The following EPYC variants were observed in gnomAD, a reference collection of about 807,000 sequenced individuals.
EPYC encodes epiphycan.
EPYC carries 28 observed loss-of-function variants against 30.1 expected under a neutral mutation model. The ratio of observed to expected loss-of-function variants is 0.93; its 90% CI spans 0.69 to 1.28. The LOEUF (loss-of-function observed/expected upper bound fraction) is 1.28. EPYC is among the 50% of genes most tolerant of loss of function. The pLI is 0.00. For missense variants in EPYC, 382 were observed against 383.5 expected, an observed-to-expected ratio of 1.00 and a Z score of 0.03; for synonymous variants, 144 against 141.4, an observed-to-expected ratio of 1.02 and a Z score of -0.13.
chr12:90,991,784 A>G (rs1565875155), intron 2 of EPYC, among the ~76,000 whole-genome samples: 3 of 152,198 alleles, frequency 2.0e-5, no homozygotes. Context: ...CTGGGATTTT[A>G]AAAAGCTCTA....
intron 2 of EPYC, among the ~76,000 whole-genome samples, chr12:90,990,133 T>C (rs887197644): frequency 2.0e-5 from 3 of 152,022 alleles, no homozygotes; most frequent in African/African-American, 7.2e-5. Context: ...ACGAAGATAT[T>C]TGGAACCTTC....
At chr12:91,002,146 C>T (rs982673905) in intron 2 of EPYC, among the ~76,000 whole-genome samples, 9 of 125,590 alleles carry the variant, frequency 7.2e-5, no homozygotes, top group Admixed American at 9.9e-5. Flanking sequence ...GCCAAGACTG[C>T]GACACTGCAT....
chr12:90,972,939 C>T lies in EPYC; in HGVS notation c.382G>A (p.Val128Met), dbSNP rs777983818. Residue 128 changes from valine (V) to methionine (M), a missense_variant, in exon 4 of 7, where the codon GTG becomes ATG. Physicochemically the swap from Val to Met is conservative, Grantham distance 21. Transcript: ENST00000261172. Reference sequence around the variant, plus strand: ...TCAAGTTCATGGTCATCACAGTACACGGTGGTACTTATACAAGTACACAAA... The same window carrying T: ...TCAAGTTCATGGTCATCACAGTACATGGTGGTACTTATACAAGTACACAAA... ...CLLCTCISTT[V>M]YCDDHELDAI... The T allele has an allele frequency of 1.3e-5, 21 of 1,610,112 alleles. No individual in the cohort carries two copies. Among genetic ancestry groups the T allele is most frequent in the East Asian group, 8.9e-5 (4 of 44,788 alleles).
intron 2 of EPYC, among the ~76,000 whole-genome samples, chr12:90,985,079 G>T (rs148038665): frequency 2.0e-5 from 3 of 152,080 alleles, no homozygotes; most frequent in African/African-American, 7.2e-5. Context: ...AGAGTTTGGA[G>T]ATACCTGGAA....
At chr12:90,995,322 A>G (rs1489994111) in intron 2 of EPYC, among the ~76,000 whole-genome samples, 1 of 152,098 alleles carries the variant, frequency 6.6e-6, no homozygotes, top group Non-Finnish European at 1.5e-5. Context: ...GCTAACAGAG[A>G]TGTTTGAATA....
chr12:90,993,821 G>T (rs1200907638), intron 2 of EPYC, among the ~76,000 whole-genome samples: 1 of 151,718 alleles, frequency 6.6e-6, no homozygotes, highest in East Asian at 1.9e-4. Context: ...ATGTTAATTT[G>T]TGTGCATATT....
intron 2 of EPYC, among the ~76,000 whole-genome samples, chr12:90,998,988 G>T: frequency 6.6e-6 from 1 of 151,956 alleles, no homozygotes; most frequent in African/African-American, 2.4e-5. Flanking sequence ...TACCAAATTG[G>T]TCCTTCTATC....
intron 2 of EPYC, among the ~76,000 whole-genome samples, chr12:91,000,543 T>C (rs1877798854): frequency 6.6e-6 from 1 of 152,034 alleles, no homozygotes. Flanking sequence ...GCAGATATAG[T>C]CATTTTTTTC....
intron 3 of EPYC, among the ~76,000 whole-genome samples, chr12:90,974,549 T>A (rs1877138083): frequency 6.6e-6 from 1 of 151,716 alleles, no homozygotes; most frequent in Non-Finnish European, 1.5e-5. Context: ...CCAGAGGAGG[T>A]GAATTTGAAT....
At chr12:91,000,146 T>C (rs768880501) in intron 2 of EPYC, among the ~76,000 whole-genome samples, 4 of 152,102 alleles carry the variant, frequency 2.6e-5, no homozygotes, top group Non-Finnish European at 5.9e-5. Context: ...GGATAACTAA[T>C]ATATTTCAGT....
intron 2 of EPYC, among the ~76,000 whole-genome samples, chr12:91,002,096 A>G (rs2120877492): frequency 6.7e-6 from 1 of 148,784 alleles, no homozygotes. Context: ...AGGCTGAGGC[A>G]GGAGAATTGC....
intron 6 of EPYC, among the ~76,000 whole-genome samples, chr12:90,969,415 G>A (rs1876978316): frequency 6.6e-6 from 1 of 151,544 alleles, no homozygotes; most frequent in East Asian, 1.9e-4. Context: ...AATCACATAG[G>A]TGAAAATAAA....
At chr12:90,979,468 G>C (rs148848356) in intron 2 of EPYC, among the ~76,000 whole-genome samples, 2 of 152,058 alleles carry the variant, frequency 1.3e-5, no homozygotes, top group East Asian at 3.9e-4. Context: ...TTTCAGACCA[G>C]GTATTTTCTA....
In EPYC at chr12:91,002,540, A is replaced by T; in HGVS notation, c.26T>A (p.Leu9Gln). 2 of 1,612,538 alleles carry T rather than the reference A, an allele frequency of 1.2e-6. No individual in the cohort carries two copies. Among genetic ancestry groups the T allele is most frequent in the Non-Finnish European group, 1.7e-6 (2 of 1,179,354 alleles). The change falls in exon 2 of 7, where the codon CTG becomes CAG. Residue 9 changes from leucine to glutamine, a missense_variant. By Grantham distance (113) the Leu-to-Gln change is moderately radical. Coordinates refer to ENST00000261172, the MANE Select transcript of EPYC (RefSeq NM_004950.5). ...AGCAGCATCAAAGATGACAAGTCCC[A>T]GAACAAGTCCTGCTAATGTCTTCAT... is the stretch of plus-strand genomic sequence containing the variant. MKTLAGLV[L>Q]GLVIFDAAVT... is the part of the protein sequence containing the mutation.
intron 5 of EPYC, 65 bp downstream of exon 5, chr12:90,971,735 A>C: frequency 1.5e-6 from 1 of 679,320 alleles, no homozygotes; most frequent in African/African-American, 1.9e-5. Context: ...ACGAATAAAA[A>C]AGGTAGTCAA....
intron 2 of EPYC, among the ~76,000 whole-genome samples, chr12:90,985,307 A>T (rs1877423908): frequency 6.6e-6 from 1 of 152,120 alleles, no homozygotes; most frequent in Non-Finnish European, 1.5e-5. Flanking sequence ...TGACTATGGG[A>T]GGCCTTAAGA....
Position 90,964,195 on chromosome 12 carries a change from G to A in EPYC, c.930C>T (p.Tyr310=), listed in dbSNP as rs1286888465. 1 of 1,613,254 alleles carries A rather than the reference G, an allele frequency of 6.2e-7. No homozygotes were observed. Among genetic ancestry groups the A allele is most frequent in the Admixed American group, 1.7e-5 (1 of 60,024 alleles). Residue 310 remains tyrosine (Y), a synonymous_variant, in exon 7 of 7, where the codon TAC becomes TAT. Coordinates refer to ENST00000261172, the MANE Select transcript of EPYC (RefSeq NM_004950.5). ...CAACAGGCAGACGAGGTAGACACAT[G>A]TATGCTTGAGGAGTTTTGCTGAGAT... ...PINLSKTPQA[Y]MCLPRLPVGS...
intron 2 of EPYC, among the ~76,000 whole-genome samples, chr12:90,979,254 A>G (rs1877269710): frequency 1.3e-5 from 2 of 152,126 alleles, no homozygotes; most frequent in South Asian, 2.1e-4. Context: ...GACATCCAGG[A>G]CCCACTTTTT....
chr12:91,001,450 T>TTGCACTCTGC (rs1877820438), intron 2 of EPYC, among the ~76,000 whole-genome samples: 1 of 152,166 alleles, frequency 6.6e-6, no homozygotes, highest in Admixed American at 6.6e-5. Context: ...TTTGTCAGTG[T>TTGCACTCTGC]TGCACATTAG....
Sources: allele counts gnomAD v4.1 joint callset (sites outside exome capture counted in the v4.1 genomes callset), GRCh38; gene constraint gnomAD v4.1.1; transcripts MANE v1.5; gene names NCBI Gene and HGNC (gene_info 2026-07-23, HGNC 2026-07-21).